The following GCNT2 variants were observed in gnomAD, a reference collection of about 807,000 sequenced individuals.
GCNT2 encodes glucosaminyl (N-acetyl) transferase 2 (I blood group).
Under a neutral mutation model 34.2 loss-of-function variants are expected in GCNT2, and 34 were observed. The observed-to-expected ratio is 1.00, with a 90% CI of 0.76 to 1.32. The LOEUF is 1.32. Among genes scored for constraint, GCNT2 ranks in the 40% most tolerant of loss-of-function variants. GCNT2 has a pLI of 0.00. For missense variants in GCNT2, 584 were observed against 489.4 expected (o/e 1.19, Z -1.82); for synonymous variants, 212 against 188.0 (o/e 1.13, Z -1.04).
intron 3 of GCNT2, among the ~76,000 whole-genome samples, chr6:10,532,039 G>A (rs540217471): frequency 7.9e-5 from 12 of 152,100 alleles, no homozygotes; most frequent in East Asian, 3.8e-4. Context: ...TAGGGCCAGC[G>A]GGTGGGAGAT....
At chr6:10,533,365 C>T (rs1761590431) in intron 3 of GCNT2, among the ~76,000 whole-genome samples, 2 of 151,948 alleles carry the variant, frequency 1.3e-5, no homozygotes, top group African/African-American at 2.4e-5. Flanking sequence ...GAAGTGGTCT[C>T]ATGGGAAGGG....
chr6:10,548,274 G>A (rs957089644), intron 3 of GCNT2, among the ~76,000 whole-genome samples: 8 of 152,180 alleles, frequency 5.3e-5, no homozygotes, highest in Non-Finnish European at 1.2e-4. Context: ...GAACACCACA[G>A]TTCTCCTTAG....
At chr6:10,609,981 C>T (rs866955581) in intron 3 of GCNT2, among the ~76,000 whole-genome samples, 10 of 152,098 alleles carry the variant, frequency 6.6e-5, no homozygotes, top group African/African-American at 2.4e-4. Context: ...AGAAGGGTGA[C>T]AGGATCAGTG....
intron 3 of GCNT2, chr6:10,585,791 T>C: frequency 3.5e-6 from 5 of 1,438,764 alleles, no homozygotes; most frequent in Non-Finnish European, 4.5e-6. Flanking sequence ...ACGCACCGCA[T>C]CTCCAGGCAC....
chr6:10,539,180 CTTTTTT>C (rs71548847), intron 3 of GCNT2, among the ~76,000 whole-genome samples: 22 of 65,328 alleles, frequency 3.4e-4, no homozygotes, highest in East Asian at 1.1e-3. Context: ...CTCACCGTCT[CTTTTTT>C]TTTTTTTTTT....
chr6:10,526,761 A>C (rs1221669824), intron 1 of GCNT2, among the ~76,000 whole-genome samples: 1 of 152,190 alleles, frequency 6.6e-6, no homozygotes, highest in Admixed American at 6.5e-5. Flanking sequence ...AGGTAAATGA[A>C]AGTACAGGAC....
intron 3 of GCNT2, among the ~76,000 whole-genome samples, chr6:10,559,643 A>T (rs1026254463): frequency 6.6e-6 from 1 of 152,254 alleles, no homozygotes; most frequent in African/African-American, 2.4e-5. Context: ...TGTACTGCCC[A>T]TCAACTTTGG....
chr6:10,522,163 C>T (rs1230103570), intron 1 of GCNT2, among the ~76,000 whole-genome samples: 2 of 152,112 alleles, frequency 1.3e-5, no homozygotes, highest in Non-Finnish European at 2.9e-5. Context: ...GCTGGGATTA[C>T]AGGCGTGAGC....
rs1380391138 is a variant in GCNT2 at position 10,551,951 on chromosome 6, G to T, written c.925+22115G>T. 3.3e-5 allele frequency among the ~76,000 whole-genome samples: 5 copies of T among 151,458 alleles called. No individual in the cohort carries two copies. In the East Asian group the frequency reaches 9.7e-4, roughly 30 times the overall value. ...TTTTGTATTTTTAGTAGAGATGGGG[G>T]TTCCACCATGTTGGCCAGGCTGGTC... On this transcript the variant is annotated intron_variant, in intron 3 of 4. Coordinates refer to ENST00000495262, the MANE Select transcript of GCNT2 (RefSeq NM_145649.5).
intron 3 of GCNT2, among the ~76,000 whole-genome samples, chr6:10,565,187 A>C (rs935557230): frequency 6.6e-5 from 10 of 152,228 alleles, no homozygotes; most frequent in African/African-American, 2.4e-4. Flanking sequence ...CGAGGATGAG[A>C]GCTGGACTGA....
At chr6:10,580,325 C>A (rs1343854095) in intron 3 of GCNT2, among the ~76,000 whole-genome samples, 1 of 152,200 alleles carries the variant, frequency 6.6e-6, no homozygotes, top group Non-Finnish European at 1.5e-5. Flanking sequence ...CCACCCAATC[C>A]TCCTCAATGT....
At chr6:10,554,922 C>T (rs1186377330) in intron 3 of GCNT2, among the ~76,000 whole-genome samples, 2 of 152,142 alleles carry the variant, frequency 1.3e-5, no homozygotes, top group Non-Finnish European at 2.9e-5. Flanking sequence ...AGAATGGAAG[C>T]GACAGTGTGC....
intron 3 of GCNT2, among the ~76,000 whole-genome samples, chr6:10,576,787 C>G (rs1446576593): frequency 6.6e-6 from 1 of 152,112 alleles, no homozygotes; most frequent in East Asian, 1.9e-4. Context: ...CAGAAGCACT[C>G]AAGAAGCCGG....
At chr6:10,524,980 C>T (rs1761118284) in intron 1 of GCNT2, among the ~76,000 whole-genome samples, 1 of 148,910 alleles carries the variant, frequency 6.7e-6, no homozygotes, top group African/African-American at 2.6e-5. Flanking sequence ...CATCGGCCCA[C>T]CCCCCCGGTT....
At chr6:10,543,818 T>A (rs13214026) in intron 3 of GCNT2, among the ~76,000 whole-genome samples, 2 of 152,126 alleles carry the variant, frequency 1.3e-5, no homozygotes, top group South Asian at 2.1e-4. Context: ...CACTGAGATA[T>A]GGAGTCTGTA....
chr6:10,541,988 A>T (rs1231230468), intron 3 of GCNT2, among the ~76,000 whole-genome samples: 1 of 152,124 alleles, frequency 6.6e-6, no homozygotes, highest in East Asian at 1.9e-4. Context: ...GGAGCTTTAT[A>T]TCTTTGCGAG....
chr6:10,573,049 A>T, intron 3 of GCNT2: 1 of 279,624 alleles, frequency 3.6e-6, no homozygotes, highest in Non-Finnish European at 5.4e-6. Flanking sequence ...TCCAGAATTT[A>T]ATAAGGCTAT....
intron 3 of GCNT2, among the ~76,000 whole-genome samples, chr6:10,562,678 CAAA>C (rs970544728): frequency 9.5e-6 from 1 of 105,070 alleles, no homozygotes; most frequent in East Asian, 2.8e-4. Context: ...AAAAAAAAAA[CAAA>C]AAAAAACCCA....
intron 3 of GCNT2, among the ~76,000 whole-genome samples, chr6:10,611,790 TAATG>T (rs1007312519): frequency 6.6e-6 from 1 of 152,180 alleles, no homozygotes; most frequent in Non-Finnish European, 1.5e-5. Flanking sequence ...ATTACTAAAT[TAATG>T]AAGCAAATAA....
Sources: gnomAD v4.1 joint callset for allele counts (sites outside exome capture counted in the v4.1 genomes callset) on GRCh38, gnomAD v4.1.1 for gene constraint, MANE v1.5 for transcripts, NCBI Gene and HGNC (gene_info 2026-07-23, HGNC 2026-07-21) for gene names.